PALM: variants seen among roughly 807,000 people sequenced by gnomAD.
PALM encodes the protein paralemmin, also known as paralemmin-1.
PALM carries 18 observed loss-of-function variants against 30.7 expected under a neutral mutation model. The observed-to-expected ratio is 0.59, with a 90% confidence interval of 0.41 to 0.87. PALM has a LOEUF of 0.87. Among genes scored for constraint, PALM ranks in the 40% least tolerant of loss-of-function variants. The probability of loss-of-function intolerance (pLI) is 0.00; values close to 1 mark genes in which losing one functional copy is unlikely to be tolerated. For synonymous variants in PALM, 286 were observed against 242.8 expected, an observed-to-expected ratio of 1.18 and a Z score of -1.66; for missense variants, 529 against 555.4, an observed-to-expected ratio of 0.95 and a Z score of 0.48.
chr19:711,639 A>G (rs1488509134), intron 1 of PALM, among the ~76,000 whole-genome samples: 2 of 152,122 alleles, frequency 1.3e-5, no homozygotes, highest in Admixed American at 1.3e-4. Flanking sequence ...TTCTTCCTCC[A>G]TGTTTCCGCT....
intron 1 of PALM, among the ~76,000 whole-genome samples, chr19:718,893 C>T (rs1051943838): frequency 1.7e-4 from 26 of 151,878 alleles, no homozygotes; most frequent in African/African-American, 6.0e-4. Flanking sequence ...GAAGCAGGGC[C>T]GGGGGTGCCA....
chr19:724,405 C>T (rs927373101), intron 1 of PALM, among the ~76,000 whole-genome samples: 2 of 151,068 alleles, frequency 1.3e-5, no homozygotes, highest in African/African-American at 2.4e-5. Flanking sequence ...CATGCAACCT[C>T]TGCCTCCTGG....
At position 740,474 on chromosome 19, in the gene PALM, G is replaced by C. The variant is rs774952467; in HGVS notation, c.625G>C (p.Glu209Gln). 1.3e-6 allele frequency: 2 copies of C among 1,551,354 alleles called. No individual in the cohort carries two copies. Among genetic ancestry groups the C allele is most frequent in the Non-Finnish European group, 1.7e-6 (2 of 1,146,902 alleles). The change falls in exon 8 of 9, where the codon GAG becomes CAG. Residue 209 changes from glutamate to glutamine, a missense_variant. By Grantham distance (29) the Glu-to-Gln change is conservative (BLOSUM62 2). Coordinates refer to ENST00000338448, the MANE Select transcript of PALM (RefSeq NM_002579.3). ...TCTGGGCATCAAAGTCTACGAGGAC[G>C]AGACCAAAGGTACGAGCACCCCGGC... ...LPLGIKVYED[E>Q]TKVVHAVDGT...
At chr19:728,565 T>C (rs2032767763) in intron 4 of PALM, among the ~76,000 whole-genome samples, 1 of 152,120 alleles carries the variant, frequency 6.6e-6, no homozygotes, top group Non-Finnish European at 1.5e-5. Context: ...CCCAGCACTT[T>C]GGGAAGCCGA....
In PALM at chr19:737,523, G is replaced by A. The variant is rs754315919; in HGVS notation, c.502+1445G>A. 1.8e-3 allele frequency among the ~76,000 whole-genome samples: 274 copies of A among 152,332 alleles called. 1 individual carries two copies. The highest frequency in any genetic ancestry group is 3.2e-3 in the Non-Finnish European group (217 of 68,034). ...GTAGAAAAGTGAGGCCAAGGACGTT[G>A]AGCTGGAGGAAGGAGAATTTGAACC... On this transcript the variant is annotated intron_variant, in intron 7 of 8. Coordinates refer to ENST00000338448, the MANE Select transcript of PALM (RefSeq NM_002579.3).
chr19:720,921 C>T (rs1469561737), intron 1 of PALM, among the ~76,000 whole-genome samples: 1 of 152,224 alleles, frequency 6.6e-6, no homozygotes, highest in Non-Finnish European at 1.5e-5. Context: ...GTGGACCTCC[C>T]GCCCCAGCTC....
intron 1 of PALM, among the ~76,000 whole-genome samples, chr19:710,765 C>T (rs2032051437): frequency 6.6e-6 from 1 of 152,094 alleles, no homozygotes; most frequent in Non-Finnish European, 1.5e-5. Context: ...CACAGGTCCC[C>T]CATTGGGTCA....
At chr19:717,390 G>A (rs2032301070) in intron 1 of PALM, among the ~76,000 whole-genome samples, 1 of 152,066 alleles carries the variant, frequency 6.6e-6, no homozygotes, top group African/African-American at 2.4e-5. Flanking sequence ...CGTAGACATG[G>A]GATCACACGC....
Position 747,263 on chromosome 19 carries a change from C to T in PALM, c.*449C>T, listed in dbSNP as rs867765364. 13 of 168,600 alleles carry T rather than the reference C, an allele frequency of 7.7e-5. No individual in the cohort carries two copies. Among genetic ancestry groups the T allele is most frequent in the Middle Eastern group, 2.9e-3 (1 of 348 alleles). The allele number at this position is 168,600 out of a possible 1,614,324, so 10.4% of individuals were successfully genotyped here. ...CGGGAGCCGGGGGTGGGTACTGAGG[C>T]CTGCTCAGGCCCTGGAAGTGAGGCT... On this transcript the variant is annotated 3_prime_UTR_variant, in exon 9 of 9. Transcript: ENST00000338448.
At chr19:741,985 C>T (rs142520814) in intron 8 of PALM, among the ~76,000 whole-genome samples, 2,172 of 152,284 alleles carry the variant, frequency 0.014, 13 homozygotes, top group Middle Eastern at 0.034. Context: ...ATGCTGAGAC[C>T]ACAGGCATGA....
chr19:716,166 C>T (rs1251068121), intron 1 of PALM, among the ~76,000 whole-genome samples: 6 of 152,100 alleles, frequency 3.9e-5, no homozygotes, highest in African/African-American at 1.4e-4. Flanking sequence ...AATCCCAGCA[C>T]TTTGGGAGGC....
rs893200832 is a variant in PALM at position 742,727 on chromosome 19, C to T, written c.634+2244C>T. ...GGTGCATCGGCACTGTGGCCTGGGT[C>T]GGAGCCTGACTCCTTTTCATGGCTG... is the stretch of plus-strand genomic sequence containing the variant. On this transcript the variant is annotated intron_variant, in intron 8 of 8. Transcript: ENST00000338448. This position sits in a 1 kb window ranked among gnomAD's most constrained non-coding sequence, Gnocchi z 5.5. 6.6e-6 allele frequency among the ~76,000 whole-genome samples: 1 copy of T among 152,130 alleles called. No individual in the cohort carries two copies. The highest frequency in any genetic ancestry group is 1.5e-5 in the Non-Finnish European group (1 of 68,030).
chr19:712,342 G>T (rs1248388513), intron 1 of PALM, among the ~76,000 whole-genome samples: 2 of 152,004 alleles, frequency 1.3e-5, no homozygotes, highest in African/African-American at 2.4e-5. Flanking sequence ...CTTTTCCATG[G>T]CCCTGTTCCG....
At chr19:735,899 G>T (rs1269783124) in intron 6 of PALM, 120 bp from the exon 7 acceptor site, 17 of 788,612 alleles carry the variant, frequency 2.2e-5, no homozygotes, top group Non-Finnish European at 3.1e-5. Flanking sequence ...GGGTGTCAAA[G>T]GCCCAGGTGC....
At chr19:719,910 T>C (rs1390115654) in intron 1 of PALM, among the ~76,000 whole-genome samples, 9 of 152,092 alleles carry the variant, frequency 5.9e-5, no homozygotes, top group Admixed American at 2.0e-4. Context: ...TTTTGATCCG[T>C]GCGTCGTGGT....
chr19:738,717 C>T (rs975870286), intron 7 of PALM, among the ~76,000 whole-genome samples: 1 of 152,062 alleles, frequency 6.6e-6, no homozygotes, highest in Non-Finnish European at 1.5e-5. Context: ...AGTGCCTGGG[C>T]GAGGTCCCCG....
At chr19:738,781 G>C (rs1168305685) in intron 7 of PALM, among the ~76,000 whole-genome samples, 1 of 152,198 alleles carries the variant, frequency 6.6e-6, no homozygotes, top group East Asian at 1.9e-4. Context: ...GGTTGGGTGG[G>C]AGGAGGGAAA....
At chr19:740,307 CG>C (rs1460607354) in intron 7 of PALM, 44 bp from the exon 8 acceptor site, 2 of 1,511,366 alleles carry the variant, frequency 1.3e-6, no homozygotes, top group Admixed American at 2.1e-5. Context: ...CGGGGGGGTG[CG>C]GGGGCGGGCA....
intron 1 of PALM, chr19:711,149 G>C: frequency 1.0e-6 from 1 of 968,014 alleles, no homozygotes; most frequent in Non-Finnish European, 1.2e-6. Flanking sequence ...TTAATGTGAG[G>C]ATTTAAGGAG....
Sources: gnomAD v4.1 joint callset for allele counts (sites outside exome capture counted in the v4.1 genomes callset) on GRCh38, gnomAD v4.1.1 for gene constraint, Gnocchi (gnomAD v3.1) non-coding constraint, MANE v1.5 for transcripts, NCBI Gene and HGNC (gene_info 2026-07-23, HGNC 2026-07-21) for gene names.